MLIP: variants seen among roughly 807,000 people sequenced by gnomAD.
MLIP encodes the protein muscular LMNA interacting protein.
A neutral mutation model predicts 84.8 loss-of-function variants in MLIP; 79 were observed. The ratio of observed to expected loss-of-function variants is 0.93; its 90% CI spans 0.78 to 1.12. The LOEUF is 1.12. MLIP is among the 50% of genes most tolerant of loss of function. The probability of loss-of-function intolerance (pLI) is 0.00; values close to 1 mark genes in which losing one functional copy is unlikely to be tolerated. For missense variants in MLIP, 1,257 were observed against 1,160.6 expected (o/e 1.08, Z -1.21); for synonymous variants, 504 against 463.0 (o/e 1.09, Z -1.14).
chr6:54,140,898 C>T (rs1423323433), intron 4 of MLIP, among the ~76,000 whole-genome samples: 2 of 152,102 alleles, frequency 1.3e-5, no homozygotes, highest in Admixed American at 6.6e-5. Context: ...TGTTTCTTGT[C>T]TTGCTCCTTC....
rs187540596 is a variant in MLIP, at chr6:54,055,432, T to C, written c.63+36341T>C. Among the ~76,000 whole-genome samples the C allele has an allele frequency of 1.1e-3, 165 of 152,286 alleles. 3 individuals carry two copies. The highest frequency in any genetic ancestry group is 3.0e-3 in the African/African-American group (123 of 41,572). On this transcript the variant is annotated intron_variant, in intron 1 of 12. Coordinates refer to the MLIP transcript ENST00000274897. ...AATGTAGAAATCTATATTTTCAAAA[T>C]ATCTTATTTTATGGAAGTATCATAA...
intron 3 of MLIP, among the ~76,000 whole-genome samples, chr6:54,130,289 G>A (rs984367021): frequency 1.3e-5 from 2 of 152,140 alleles, no homozygotes; most frequent in African/African-American, 4.8e-5. Flanking sequence ...AGATGATGTA[G>A]GCTTTTAAGA....
intron 13 of MLIP, among the ~76,000 whole-genome samples, chr6:54,264,976 A>T (rs2150910644): frequency 6.6e-6 from 1 of 152,204 alleles, no homozygotes; most frequent in South Asian, 2.1e-4. Flanking sequence ...TGGCCAAGAC[A>T]TTCACCTTGC....
intron 3 of MLIP, among the ~76,000 whole-genome samples, chr6:54,129,812 C>A (rs1020671740): frequency 1.3e-5 from 2 of 152,094 alleles, no homozygotes. Context: ...CCACCTGGGG[C>A]CTGACTGTGC....
intron 1 of MLIP, among the ~76,000 whole-genome samples, chr6:54,118,797 A>T (rs1049280602): frequency 1.3e-5 from 2 of 151,790 alleles, no homozygotes; most frequent in African/African-American, 2.4e-5. Flanking sequence ...AAAAAATATT[A>T]AAAAAACCTC....
At chr6:54,105,201 C>A (rs1768923254) in intron 1 of MLIP, among the ~76,000 whole-genome samples, 1 of 152,158 alleles carries the variant, frequency 6.6e-6, no homozygotes, top group Non-Finnish European at 1.5e-5. Context: ...CCTGCTGTCT[C>A]TTCCTGCATG....
chr6:54,137,821 T>C lies in MLIP; in HGVS notation c.1752T>C (p.Ser584=), dbSNP rs1771949876. The change falls in exon 4 of 14, where the codon TCT becomes TCC. Residue 584 remains serine (S), a synonymous_variant. Coordinates refer to ENST00000502396, the MANE Select transcript of MLIP (RefSeq NM_001281747.2). ...ENPRNIHTYP[S]TLASSALSSL... is the part of the protein sequence containing the mutation. ...CCAGAAACATTCACACGTACCCTTC[T>C]ACATTAGCCTCCTCTGCATTATCTT... 1 of 1,536,132 alleles carries C rather than the reference T, an allele frequency of 6.5e-7. No individual in the cohort carries two copies. Among genetic ancestry groups the C allele is most frequent in the East Asian group, 2.4e-5 (1 of 40,918 alleles).
At chr6:54,097,126 G>C (rs1409273193) in intron 1 of MLIP, among the ~76,000 whole-genome samples, 1 of 152,162 alleles carries the variant, frequency 6.6e-6, no homozygotes, top group Non-Finnish European at 1.5e-5. Context: ...CTGTGCAAAA[G>C]AGAGAAAACC....
intron 1 of MLIP, among the ~76,000 whole-genome samples, chr6:54,116,587 G>C (rs141489947): frequency 1.2e-3 from 180 of 152,266 alleles, no homozygotes; most frequent in African/African-American, 4.1e-3. Flanking sequence ...GAATAAGAAA[G>C]TTGAATCAGC....
intron 1 of MLIP, among the ~76,000 whole-genome samples, chr6:54,100,267 T>C (rs1264373892): frequency 6.7e-6 from 1 of 149,920 alleles, no homozygotes; most frequent in African/African-American, 2.5e-5. Flanking sequence ...AGTGTCTTTA[T>C]TTTAATTTGT....
At position 54,028,542 on chromosome 6, in the gene MLIP, G is replaced by A. The variant is rs149387410; in HGVS notation, c.63+9451G>A. On this transcript the variant is annotated intron_variant, in intron 1 of 12. Coordinates refer to the MLIP transcript ENST00000274897. Reference sequence around the variant, plus strand: ...AGAGTGGGGCATTAACTTAGAATGTGAAGGAAATATATGGGAAATAAAACC... The same window carrying A: ...AGAGTGGGGCATTAACTTAGAATGTAAAGGAAATATATGGGAAATAAAACC... 1.8e-3 allele frequency among the ~76,000 whole-genome samples: 273 copies of A among 152,306 alleles called. 1 individual carries two copies. The highest frequency in any genetic ancestry group is 3.2e-3 in the Non-Finnish European group (217 of 68,014).
rs550664867 is a variant in MLIP, at chr6:54,153,800, C to T, written c.2289+4673C>T. ...CTGAGAGGTGGAGGTTGCAGTGAGC[C>T]GAGATCGCGCCACTGCACTCCAGCC... is the stretch of plus-strand genomic sequence containing the variant. On this transcript the variant is annotated intron_variant, in intron 5 of 13. Transcript: ENST00000502396. 5.4e-4 allele frequency among the ~76,000 whole-genome samples: 77 copies of T among 142,974 alleles called. 1 individual carries two copies. Among genetic ancestry groups the T allele is most frequent in the African/African-American group, 1.9e-3 (70 of 37,496 alleles). 93.8% of individuals were successfully genotyped at this position (142,974 alleles called of 152,430 possible).
intron 3 of MLIP, among the ~76,000 whole-genome samples, chr6:54,126,776 C>G (rs1011233009): frequency 2.0e-5 from 3 of 152,036 alleles, no homozygotes; most frequent in Non-Finnish European, 4.4e-5. Context: ...CCAACAATAT[C>G]AAATTTTTAA....
intron 1 of MLIP, among the ~76,000 whole-genome samples, chr6:54,100,434 T>C (rs1768557720): frequency 6.6e-6 from 1 of 152,190 alleles, no homozygotes; most frequent in Non-Finnish European, 1.5e-5. Flanking sequence ...CTTTGTTACA[T>C]GCCATGAGAA....
At chr6:54,031,520 G>GTGTGCGTGTGTGTGCACA (rs1764137753) in intron 1 of MLIP, 1 of 152,254 alleles carries the variant, frequency 6.6e-6, no homozygotes, top group African/African-American at 2.4e-5. Flanking sequence ...GTCTGAGTGT[G>GTGTGCGTGTGTGTGCACA]TGTGCGTGTG....
At chr6:54,229,777 G>C (rs758160682) in intron 11 of MLIP, among the ~76,000 whole-genome samples, 1 of 151,920 alleles carries the variant, frequency 6.6e-6, no homozygotes, top group Non-Finnish European at 1.5e-5. Flanking sequence ...TCATTGATAG[G>C]CATTTGTATT....
In MLIP at chr6:54,137,205, C is replaced by A. The variant is rs762614024; in HGVS notation, c.1136C>A (p.Pro379Gln). Residue 379 changes from proline (P) to glutamine (Q), a missense_variant, in exon 4 of 14, where the codon CCA becomes CAA. Pro to Gln is a moderately conservative substitution (Grantham distance 76). Transcript: ENST00000502396. ...CATTCACTCTCTCCGAGCCCCAAAC[C>A]ATTTACCTCCTCTTTCCACGGCTCT... ...VTHSLSPSPK[P>Q]FTSSFHGSSS... is the part of the protein sequence containing the mutation. The A allele has an allele frequency of 1.4e-5, 22 of 1,536,100 alleles. No homozygotes were observed. The South Asian group carries it at 2.4e-4, about 17-fold the overall frequency.
intron 1 of MLIP, among the ~76,000 whole-genome samples, chr6:54,084,641 G>A (rs1767369584): frequency 6.6e-6 from 1 of 152,164 alleles, no homozygotes; most frequent in South Asian, 2.1e-4. Context: ...AGTACTCTTT[G>A]CAAATTCAGG....
chr6:54,019,176 C>T, intron 1 of MLIP: 1 of 1,387,254 alleles, frequency 7.2e-7, no homozygotes, highest in Non-Finnish European at 1.0e-6. Flanking sequence ...AAAAGTTGTG[C>T]TAGCCGGCCT....
Sources: allele counts gnomAD v4.1 joint callset (sites outside exome capture counted in the v4.1 genomes callset), GRCh38; gene constraint gnomAD v4.1.1; transcripts MANE v1.5; gene names NCBI Gene and HGNC (gene_info 2026-07-23, HGNC 2026-07-21).